Variants in KCND2 observed in about 807,000 individuals in gnomAD.
The protein encoded by KCND2 is potassium voltage-gated channel subfamily D member 2.
KCND2 carries 16 observed loss-of-function variants against 54.4 expected under a neutral mutation model. The observed-to-expected ratio is 0.29, with a 90% CI of 0.20 to 0.45. The LOEUF is 0.45. KCND2 is among the 20% of genes least tolerant of loss of function. The pLI, the probability that KCND2 is intolerant of heterozygous loss-of-function variation, is 1.00. For synonymous variants in KCND2, 317 were observed against 310.7 expected, an observed-to-expected ratio of 1.02 and a Z score of -0.21; for missense variants, 486 against 824.2, an observed-to-expected ratio of 0.59 and a Z score of 5.02.
At chr7:120,625,188 T>C (rs376532145) in intron 1 of KCND2, among the ~76,000 whole-genome samples, 34 of 152,290 alleles carry the variant, frequency 2.2e-4, no homozygotes, top group African/African-American at 6.5e-4. Context: ...TGATTTAGTG[T>C]ATTGCATCAC....
chr7:120,482,554 C>T (rs182905306), intron 1 of KCND2, among the ~76,000 whole-genome samples: 291 of 152,198 alleles, frequency 1.9e-3, no homozygotes, highest in Non-Finnish European at 3.0e-3. Flanking sequence ...AAAGTGGAAA[C>T]TTTAGGAGGT....
At chr7:120,705,245 T>C (rs554781961) in intron 1 of KCND2, among the ~76,000 whole-genome samples, 1 of 152,322 alleles carries the variant, frequency 6.6e-6, no homozygotes, top group East Asian at 1.9e-4. Context: ...ACCTTGATGA[T>C]CTTAATGTAA....
intron 1 of KCND2, among the ~76,000 whole-genome samples, chr7:120,668,323 A>T (rs558334264): frequency 1.7e-4 from 26 of 152,174 alleles, no homozygotes; most frequent in Admixed American, 5.2e-4. Flanking sequence ...AATTGAACAA[A>T]ATTAAAACAC....
chr7:120,714,886 C>G (rs1408686800), intron 1 of KCND2, among the ~76,000 whole-genome samples: 1 of 151,986 alleles, frequency 6.6e-6, no homozygotes, highest in Non-Finnish European at 1.5e-5. Flanking sequence ...CCCACACACA[C>G]TTTTCAAGTT....
At position 120,361,305 on chromosome 7, in the gene KCND2, C is replaced by T. The variant is rs1442314967; in HGVS notation, c.1115+85558C>T. Among the ~76,000 whole-genome samples, 5 of 152,016 alleles carry T rather than the reference C, an allele frequency of 3.3e-5. 1 individual carries two copies. In the South Asian group the frequency reaches 8.3e-4, roughly 25 times the overall value. On this transcript the variant is annotated intron_variant, in intron 1 of 5. Coordinates refer to ENST00000331113, the MANE Select transcript of KCND2 (RefSeq NM_012281.3). ...GTTCTGAAGCAAAAAAGATCTGTTT[C>T]CCACTCATTTTTATAAGCAGAGCTC...
rs3067025 is a variant in KCND2, at chr7:120,351,244, G to GTATATATATATATATATATA, written c.1115+75501_1115+75520dup. On this transcript the variant is annotated intron_variant, in intron 1 of 5. Transcript: ENST00000331113. The stretch of plus-strand genomic sequence containing the variant: ...CATCATATTATATATTTATATGTGT[G>GTATATATATATATATATATA]TATATATATATATATATATATATCC... 2.0e-3 allele frequency among the ~76,000 whole-genome samples: 281 copies of GTATATATATATATATATATA among 137,278 alleles called. 4 individuals are homozygous for GTATATATATATATATATATA. The highest frequency in any genetic ancestry group is 7.2e-3 in the African/African-American group (264 of 36,760). The allele number at this position is 137,278 out of a possible 152,430, so 90.1% of individuals were successfully genotyped here.
chr7:120,380,880 C>A (rs1180685541), intron 1 of KCND2, among the ~76,000 whole-genome samples: 1 of 152,014 alleles, frequency 6.6e-6, no homozygotes, highest in African/African-American at 2.4e-5. Flanking sequence ...ATGCATTTAC[C>A]TCAAGAGCAT....
Position 120,275,073 on chromosome 7 carries a change from C to A in KCND2, c.441C>A (p.Arg147=), listed in dbSNP as rs1352524434. The change falls in exon 1 of 6, where the codon CGC becomes CGA. Residue 147 remains arginine, a synonymous_variant. Coordinates refer to ENST00000331113, the MANE Select transcript of KCND2 (RefSeq NM_012281.3). The part of the protein sequence containing the change: ...YKDRRRENAE[R]LQDDADTDTA... The stretch of plus-strand genomic sequence containing the variant: ...ATCGCAGGCGAGAGAACGCCGAGCG[C>A]CTGCAGGACGACGCGGATACCGACA... The A allele has an allele frequency of 6.2e-7, 1 of 1,613,930 alleles. No individual in the cohort carries two copies. Among genetic ancestry groups the A allele is most frequent in the African/African-American group, 1.3e-5 (1 of 75,058 alleles).
At chr7:120,381,926 A>G (rs569548208) in intron 1 of KCND2, among the ~76,000 whole-genome samples, 2 of 150,934 alleles carry the variant, frequency 1.3e-5, no homozygotes, top group African/African-American at 4.8e-5. Context: ...TCAAAAAATG[A>G]TAAAATTCAA....
At chr7:120,549,291 A>G (rs1792078889) in intron 1 of KCND2, among the ~76,000 whole-genome samples, 1 of 152,214 alleles carries the variant, frequency 6.6e-6, no homozygotes, top group African/African-American at 2.4e-5. Flanking sequence ...TTAATAAAAC[A>G]TTACTTTCTG....
chr7:120,523,413 A>C (rs1335854334), intron 1 of KCND2, among the ~76,000 whole-genome samples: 1 of 150,756 alleles, frequency 6.6e-6, no homozygotes, highest in Non-Finnish European at 1.5e-5. Flanking sequence ...TTTTATATTT[A>C]GTAGTTTATA....
chr7:120,630,519 G>A (rs750001490), intron 1 of KCND2, among the ~76,000 whole-genome samples: 22 of 151,822 alleles, frequency 1.4e-4, no homozygotes, highest in Non-Finnish European at 2.9e-4. Context: ...CAAAATGTTC[G>A]GATTTTTTAT....
At chr7:120,322,209 A>G (rs914283686) in intron 1 of KCND2, among the ~76,000 whole-genome samples, 1 of 152,142 alleles carries the variant, frequency 6.6e-6, no homozygotes, top group East Asian at 1.9e-4. Context: ...CAATGGAGGA[A>G]ATAAGATGTC....
At chr7:120,314,730 A>T (rs1389893390) in intron 1 of KCND2, among the ~76,000 whole-genome samples, 1 of 152,228 alleles carries the variant, frequency 6.6e-6, no homozygotes, top group Non-Finnish European at 1.5e-5. Flanking sequence ...AAAGCAGTGA[A>T]TAATGGTAGT....
intron 1 of KCND2, among the ~76,000 whole-genome samples, chr7:120,330,379 A>T (rs1023312784): frequency 6.6e-6 from 1 of 152,100 alleles, no homozygotes; most frequent in Non-Finnish European, 1.5e-5. Flanking sequence ...CAGGAGTTTA[A>T]GACCAGCCTG....
intron 1 of KCND2, among the ~76,000 whole-genome samples, chr7:120,446,435 T>G (rs1162563737): frequency 6.6e-6 from 1 of 152,168 alleles, no homozygotes; most frequent in Admixed American, 6.6e-5. Flanking sequence ...CCTGCCATGT[T>G]AATCTCTCCA....
chr7:120,340,660 T>C (rs1232732954), intron 1 of KCND2, among the ~76,000 whole-genome samples: 1 of 152,174 alleles, frequency 6.6e-6, no homozygotes, highest in African/African-American at 2.4e-5. Flanking sequence ...ATTGAAAAGA[T>C]GGCCATTTGA....
At chr7:120,645,899 G>T (rs1254472013) in intron 1 of KCND2, among the ~76,000 whole-genome samples, 2 of 152,168 alleles carry the variant, frequency 1.3e-5, no homozygotes, top group East Asian at 3.8e-4. Flanking sequence ...GAACTCAGTG[G>T]ACACTTAGCA....
chr7:120,676,824 T>C (rs1353169458), intron 1 of KCND2, among the ~76,000 whole-genome samples: 1 of 152,134 alleles, frequency 6.6e-6, no homozygotes, highest in African/African-American at 2.4e-5. Context: ...AATACAACCA[T>C]TTGATGATGC....
Sources: allele counts gnomAD v4.1 joint callset (sites outside exome capture counted in the v4.1 genomes callset), GRCh38; gene constraint gnomAD v4.1.1; transcripts MANE v1.5; gene names NCBI Gene and HGNC (gene_info 2026-07-23, HGNC 2026-07-21).